Variants in C3 observed in about 807,000 individuals in gnomAD.
The protein encoded by C3 is C3 and PZP-like alpha-2-macroglobulin domain-containing protein 1.
Under a neutral mutation model 207.9 loss-of-function variants are expected in C3, and 97 were observed. The ratio of observed to expected loss-of-function variants is 0.47; its 90% CI spans 0.40 to 0.55. The LOEUF is 0.55. Ranked by LOEUF, C3 falls within the 20% of genes least tolerant of loss-of-function variation. The pLI is 0.00. For synonymous variants in C3, 848 were observed against 857.6 expected (o/e 0.99, Z 0.20); for missense variants, 1,684 against 2,171.7 (o/e 0.78, Z 4.46).
rs1967799722 is a variant in C3 at position 6,707,244 on chromosome 19, A to C, written c.2077T>G (p.Cys693Gly). The change falls in exon 17 of 41, where the codon TGC (cysteine) becomes GGC (glycine). Residue 693 changes from cysteine to glycine, a missense_variant. This residue lies in a region of C3 where 1,280 missense variants were observed against 1,739.1 expected (regional missense o/e 0.74). Coordinates refer to ENST00000245907, the MANE Select transcript of C3 (RefSeq NM_000064.4). ...VGKYPKELRK[C>G]CEDGMRENPM... The stretch of plus-strand genomic sequence containing the variant: ...TTCTCCCGCATGCCGTCCTCGCAGC[A>C]CTTGCGCAGCTCCTTGGGGTACTTG... 1 of 1,612,574 alleles carries C rather than the reference A, an allele frequency of 6.2e-7. No homozygotes were observed.
chr19:6,695,494 G>T (rs937509830), intron 23 of C3, among the ~76,000 whole-genome samples: 1 of 151,830 alleles, frequency 6.6e-6, no homozygotes, highest in Admixed American at 6.6e-5. Flanking sequence ...GTTTGTTTTT[G>T]TTTGAGACAA....
At chr19:6,693,703 G>A (rs541005341) in intron 24 of C3, among the ~76,000 whole-genome samples, 1 of 148,118 alleles carries the variant, frequency 6.8e-6, no homozygotes, top group South Asian at 2.2e-4. Context: ...ATTCAGAGAG[G>A]AGAAGGATAT....
At chr19:6,702,394 G>C in intron 18 of C3, 77 bp downstream of exon 18, 3 of 1,082,228 alleles carry the variant, frequency 2.8e-6, no homozygotes, top group Non-Finnish European at 2.9e-6. Flanking sequence ...TTCCAGAGAA[G>C]ACCAGAGATA....
At chr19:6,695,519 G>A (rs1171458439) in intron 23 of C3, among the ~76,000 whole-genome samples, 1 of 152,040 alleles carries the variant, frequency 6.6e-6, no homozygotes, top group African/African-American at 2.4e-5. Context: ...TTGCTCTGCC[G>A]CCCAGGCTGG....
Position 6,719,114 on chromosome 19 carries a change from T to C in C3, c.267+97A>G. The C allele has an allele frequency of 9.3e-7, 1 of 1,073,578 alleles. No individual in the cohort carries two copies. The highest frequency in any genetic ancestry group is 1.4e-6 in the Non-Finnish European group (1 of 712,886). 66.5% of individuals were successfully genotyped at this position (1,073,578 alleles called of 1,614,324 possible). ...TGGAGTCTCAGGGAAGGGCAGGGCT[T>C]AGAAAGGGAGAAGACAGAAGGGGAG... On this transcript the variant is annotated intron_variant, in intron 2 of 40. Transcript: ENST00000245907. This position sits in a 1 kb window ranked among gnomAD's most constrained non-coding sequence, Gnocchi z 5.4.
Position 6,719,015 on chromosome 19 carries a change from A to G in C3, c.267+196T>C, listed in dbSNP as rs1968108816. ...GGTCTCAGAAAAGGGAGGGGCTTATAAGGGGAGGAGACTCAGAAGGGGTGG... is the reference window on the plus strand; with the variant it reads ...GGTCTCAGAAAAGGGAGGGGCTTATGAGGGGAGGAGACTCAGAAGGGGTGG... On this transcript the variant is annotated intron_variant, in intron 2 of 40. Coordinates refer to ENST00000245907, the MANE Select transcript of C3 (RefSeq NM_000064.4). This position sits in a 1 kb window ranked among gnomAD's most constrained non-coding sequence, Gnocchi z 5.4. 7.4e-6 allele frequency among the ~76,000 whole-genome samples: 1 copy of G among 134,500 alleles called. No homozygotes were observed. The highest frequency in any genetic ancestry group is 1.6e-5 in the Non-Finnish European group (1 of 63,420). 88.2% of individuals were successfully genotyped at this position (134,500 alleles called of 152,430 possible). A position where few individuals can be genotyped will look rare whatever the true frequency, so the allele number is the denominator to read the frequency against.
chr19:6,681,670 C>A (rs568711326), intron 35 of C3, among the ~76,000 whole-genome samples: 5 of 151,954 alleles, frequency 3.3e-5, no homozygotes, highest in Admixed American at 2.0e-4. Context: ...ACCAAAAAAA[C>A]CAAAAGGGCT....
intron 28 of C3, 36 bp from the exon 29 acceptor site, chr19:6,686,323 C>G (rs1386028015): frequency 3.7e-6 from 6 of 1,610,596 alleles, no homozygotes; most frequent in Middle Eastern, 1.9e-4. Context: ...GTGCTCACTG[C>G]TCTGTCCAGC....
In C3 at chr19:6,718,400, T is replaced by C; in HGVS notation, c.280A>G (p.Arg94Gly). 1 of 1,614,210 alleles carries C rather than the reference T, an allele frequency of 6.2e-7. No homozygotes were observed. The highest frequency in any genetic ancestry group is 8.5e-7 in the Non-Finnish European group (1 of 1,180,034). Residue 94 changes from arginine (R) to glycine (G), a missense_variant, in exon 3 of 41, where the codon AGG (arginine) becomes GGG (glycine). Physicochemically the swap from Arg to Gly is moderately radical, Grantham distance 125. This residue lies in a region of C3 where 1,280 missense variants were observed against 1,739.1 expected (regional missense o/e 0.74). Coordinates refer to ENST00000245907, the MANE Select transcript of C3 (RefSeq NM_000064.4). ...CGCCCCTTTTCTGACTTGAACTCCC[T>C]GTTGGCTGGGATCTAGGCGTGGGCA... ...GNVTFTIPAN[R>G]EFKSEKGRNK...
rs11569541 is a variant in C3 at position 6,684,580 on chromosome 19, A to G, written c.4100T>C (p.Ile1367Thr). 744 of 1,613,974 alleles carry G rather than the reference A, an allele frequency of 4.6e-4. 4 individuals are homozygous for G. In the African/African-American group the frequency reaches 8.6e-3, roughly 19 times the overall value. The change falls in exon 32 of 41, where the codon ATA becomes ACA. Residue 1367 changes from isoleucine (I) to threonine (T), a missense_variant. By Grantham distance (89) the Ile-to-Thr change is moderately conservative (BLOSUM62 -1). This residue lies in a region of C3 where 346 missense variants were observed against 380.1 expected (regional missense o/e 0.91). Coordinates refer to ENST00000245907, the MANE Select transcript of C3 (RefSeq NM_000064.4). ...TCNKFDLKVTIKPAPETEKRP... is the reference protein window; with the variant it reads ...TCNKFDLKVTTKPAPETEKRP... ...TTTACCTGTTTCCGGTGCTGGTTTT[A>G]TGGTGACCTTGAGGTCGAATTTATT... is the stretch of plus-strand genomic sequence containing the variant.
At position 6,707,107 on chromosome 19, in the gene C3, G is replaced by T. The variant is rs765224315; in HGVS notation, c.2214C>A (p.His738Gln). 2 of 1,612,554 alleles carry T rather than the reference G, an allele frequency of 1.2e-6. No individual in the cohort carries two copies. Among genetic ancestry groups the T allele is most frequent in the African/African-American group, 2.7e-5 (2 of 74,722 alleles). The change falls in exon 17 of 41, where the codon CAC (histidine) becomes CAA (glutamine). Residue 738 changes from histidine (H) to glutamine (Q), a missense_variant. By Grantham distance (24) the His-to-Gln change is conservative. Transcript: ENST00000245907. ...CCAGGCCCAGGTGGCTGGCCCGCGCGTGCTGCCGCCGCAGCTCTGTGATGT... is the reference window on the plus strand; with the variant it reads ...CCAGGCCCAGGTGGCTGGCCCGCGCTTGCTGCCGCCGCAGCTCTGTGATGT... The part of the protein sequence containing the change: ...CNYITELRRQ[H>Q]ARASHLGLAR...
chr19:6,689,320 TCTAC>T (rs1555684195), intron 27 of C3, among the ~76,000 whole-genome samples: 29 of 72,374 alleles, frequency 4.0e-4, no homozygotes, highest in Admixed American at 6.7e-4. Context: ...TCTCTCTCTC[TCTAC>T]CTACCTCCCT....
chr19:6,712,107 T>A, intron 11 of C3, 150 bp downstream of exon 11: 4 of 965,298 alleles, frequency 4.1e-6, no homozygotes, highest in Non-Finnish European at 6.3e-6. Flanking sequence ...AGTATCTCTA[T>A]GCAAATGGCA....
intron 35 of C3, among the ~76,000 whole-genome samples, chr19:6,681,659 A>C (rs751754372): frequency 1.6e-4 from 25 of 152,028 alleles, no homozygotes; most frequent in Non-Finnish European, 2.6e-4. Context: ...TTAAAAAAAA[A>C]ACCAAAAAAA....
intron 14 of C3, among the ~76,000 whole-genome samples, chr19:6,708,475 T>C (rs1249782405): frequency 6.6e-6 from 1 of 151,458 alleles, no homozygotes; most frequent in Non-Finnish European, 1.5e-5. Flanking sequence ...TCTGTCTTCT[T>C]TCTTTCCCTT....
At chr19:6,716,052 G>A (rs1568227997) in intron 4 of C3, among the ~76,000 whole-genome samples, 1 of 152,136 alleles carries the variant, frequency 6.6e-6, no homozygotes, top group Non-Finnish European at 1.5e-5. Context: ...TGTGGTCTCT[G>A]TTCCCCACAG....
intron 17 of C3, 96 bp downstream of exon 17, chr19:6,706,980 C>CCCCCCCCCCCCCA: frequency 1.5e-6 from 1 of 681,018 alleles, no homozygotes; most frequent in South Asian, 2.2e-5. Flanking sequence ...TCCTCCAGCC[C>CCCCCCCCCCCCCA]CACCCCCACC....
chr19:6,700,232 T>C (rs1212544447), intron 19 of C3, among the ~76,000 whole-genome samples: 1 of 138,222 alleles, frequency 7.2e-6, no homozygotes, highest in Non-Finnish European at 1.5e-5. Context: ...ATATTATATA[T>C]GTAATATACA....
At position 6,712,426 on chromosome 19, in the gene C3, T is replaced by C. The variant is rs2145429765; in HGVS notation, c.1120-20A>G. The C allele has an allele frequency of 2.5e-6, 4 of 1,614,002 alleles. No homozygotes were observed. In the Admixed American group the frequency reaches 5.0e-5, roughly 20 times the overall value. On this transcript the variant is annotated intron_variant, in intron 10 of 40. Transcript: ENST00000245907. ...GAACACCTGTGATGTGGGGTGCAGG[T>C]GGGGGAAGTTCAGGCAGGCTCAGGG...
Sources: gnomAD v4.1 joint callset for allele counts (sites outside exome capture counted in the v4.1 genomes callset) on GRCh38, gnomAD v4.1.1 for gene constraint, gnomAD v4.1.1 regional missense constraint, Gnocchi (gnomAD v3.1) non-coding constraint, MANE v1.5 for transcripts, NCBI Gene and HGNC (gene_info 2026-07-23, HGNC 2026-07-21) for gene names.